SASS6: variants seen among roughly 807,000 people sequenced by gnomAD.
SASS6 encodes SAS-6 centriolar assembly protein.
Under a neutral mutation model 94.9 loss-of-function variants are expected in SASS6, and 59 were observed. The observed-to-expected ratio is 0.62, with a 90% CI of 0.50 to 0.77. The LOEUF is 0.77. Ranked by LOEUF, SASS6 falls within the 30% of genes least tolerant of loss-of-function variation. The pLI, the probability that SASS6 is intolerant of heterozygous loss-of-function variation, is 0.00. For synonymous variants in SASS6, 264 were observed against 270.0 expected (o/e 0.98, Z 0.22); for missense variants, 698 against 734.1 (o/e 0.95, Z 0.57).
At chr1:100,098,759 A>G (rs528766806) in intron 14 of SASS6, among the ~76,000 whole-genome samples, 2 of 152,354 alleles carry the variant, frequency 1.3e-5, no homozygotes, top group African/African-American at 2.4e-5. Context: ...AAAAAGAAAC[A>G]AAAACTTATA....
In SASS6 at chr1:100,110,391, C is replaced by T. The variant is rs755561574; in HGVS notation, c.762G>A (p.Leu254=). The change falls in exon 8 of 17, where the codon CTG becomes CTA. Residue 254 remains leucine (L), a synonymous_variant. Coordinates refer to ENST00000287482, the MANE Select transcript of SASS6 (RefSeq NM_194292.3). ...CTTTATTAGCCGCTTCTAACTCAGACAGTCTGTTTTGTAGCTGGTGGATGT... is the reference window on the plus strand; with the variant it reads ...CTTTATTAGCCGCTTCTAACTCAGATAGTCTGTTTTGTAGCTGGTGGATGT... ...QQNIHQLQNR[L]SELEAANKDL... The T allele has an allele frequency of 6.2e-7, 1 of 1,608,890 alleles. No individual in the cohort carries two copies. Among genetic ancestry groups the T allele is most frequent in the South Asian group, 1.1e-5 (1 of 90,890 alleles).
intron 3 of SASS6, 134 bp downstream of exon 3, chr1:100,123,076 A>G: frequency 6.0e-6 from 3 of 496,884 alleles, no homozygotes; most frequent in Non-Finnish European, 7.2e-6. Context: ...CTAAGTAAAG[A>G]TAGTACAAAT....
At chr1:100,094,126 G>A (rs990353472) in intron 14 of SASS6, among the ~76,000 whole-genome samples, 1 of 152,070 alleles carries the variant, frequency 6.6e-6, no homozygotes, top group African/African-American at 2.4e-5. Flanking sequence ...ATGAAAGAGA[G>A]GATGTTACAG....
At chr1:100,122,548 CCTT>C (rs1654276455) in intron 3 of SASS6, 64 bp from the exon 4 acceptor site, 10 of 390,258 alleles carry the variant, frequency 2.6e-5, no homozygotes, top group East Asian at 9.6e-5. Flanking sequence ...TGTTTTGGTG[CCTT>C]TTTTTTTTTT....
At chr1:100,108,181 TG>T (rs1653056098) in intron 8 of SASS6, among the ~76,000 whole-genome samples, 177 bp from the exon 9 acceptor site, 1 of 152,148 alleles carries the variant, frequency 6.6e-6, no homozygotes, top group Non-Finnish European at 1.5e-5. Context: ...AGCATATATC[TG>T]GAATATAATT....
rs1652851520 is a variant in SASS6, at chr1:100,105,790, C to T, written c.1522G>A (p.Gly508Arg). ...AHSSSNTIRSGISPNLNVVDG... is the reference protein window; with the variant it reads ...AHSSSNTIRSRISPNLNVVDG... ...ACCACATTCAGGTTAGGAGAAATTC[C>T]ACTTCTGATTGTGTTGCTGCTGGAA... Residue 508 changes from glycine to arginine, a missense_variant, in exon 13 of 17, where the codon GGA (glycine) becomes AGA (arginine). By Grantham distance (125) the Gly-to-Arg change is moderately radical. Coordinates refer to ENST00000287482, the MANE Select transcript of SASS6 (RefSeq NM_194292.3). 2 of 1,612,448 alleles carry T rather than the reference C, an allele frequency of 1.2e-6. No homozygotes were observed. Among genetic ancestry groups the T allele is most frequent in the Non-Finnish European group, 8.5e-7 (1 of 1,179,366 alleles).
chr1:100,120,343 T>G (rs954674616), intron 6 of SASS6, 51 bp downstream of exon 6: 1 of 849,106 alleles, frequency 1.2e-6, no homozygotes, highest in African/African-American at 1.7e-5. Context: ...AGGAAGCAAT[T>G]CAGTGCCAAT....
intron 15 of SASS6, among the ~76,000 whole-genome samples, chr1:100,087,573 T>C (rs1342713746): frequency 6.6e-6 from 1 of 152,202 alleles, no homozygotes; most frequent in Non-Finnish European, 1.5e-5. Context: ...GACTTCACTA[T>C]GTAAACCCTG....
chr1:100,123,637 A>T (rs919099430), intron 2 of SASS6, among the ~76,000 whole-genome samples: 1 of 152,236 alleles, frequency 6.6e-6, no homozygotes, highest in African/African-American at 2.4e-5. Context: ...AACATACCAC[A>T]TTCAATTTTA....
intron 4 of SASS6, among the ~76,000 whole-genome samples, chr1:100,122,087 C>G (rs1279737563): frequency 6.6e-6 from 1 of 152,212 alleles, no homozygotes; most frequent in African/African-American, 2.4e-5. Flanking sequence ...GCACCATACA[C>G]ACATACAATC....
chr1:100,106,513 T>C (rs1652915874), intron 12 of SASS6, among the ~76,000 whole-genome samples: 1 of 152,142 alleles, frequency 6.6e-6, no homozygotes, highest in Non-Finnish European at 1.5e-5. Context: ...TATTGGCCAA[T>C]GTCTACTTTT....
In SASS6 at chr1:100,084,507, G is replaced by C. The variant is rs6657152; in HGVS notation, c.*821C>G. 3 of 151,984 alleles carry C rather than the reference G, an allele frequency of 2.0e-5. No homozygotes were observed. Among genetic ancestry groups the C allele is most frequent in the African/African-American group, 7.2e-5 (3 of 41,404 alleles). 9.4% of individuals were successfully genotyped at this position (151,984 alleles called of 1,614,324 possible). A position where few individuals can be genotyped will look rare whatever the true frequency, so the allele number is the denominator to read the frequency against. On this transcript the variant is annotated 3_prime_UTR_variant, in exon 17 of 17. Transcript: ENST00000287482. ...TAACATTGAAATCAACCCAAGTTCT[G>C]ATACTATAAAAATAAATGAATATTC...
intron 14 of SASS6, among the ~76,000 whole-genome samples, chr1:100,092,173 A>C (rs1174825510): frequency 7.7e-6 from 1 of 129,774 alleles, no homozygotes; most frequent in African/African-American, 3.4e-5. Flanking sequence ...AAAACTAAAA[A>C]TATATATATA....
At chr1:100,117,104 G>A (rs1653845998) in intron 7 of SASS6, among the ~76,000 whole-genome samples, 2 of 151,460 alleles carry the variant, frequency 1.3e-5, no homozygotes, top group South Asian at 2.1e-4. Flanking sequence ...GACCATCCTG[G>A]CCAACATGGT....
At chr1:100,132,671 C>T in intron 1 of SASS6, 79 bp downstream of exon 1, 5 of 1,216,574 alleles carry the variant, frequency 4.1e-6, no homozygotes, top group Non-Finnish European at 6.1e-6. Context: ...AGGTGGATCC[C>T]ACGGGCCAGA....
intron 7 of SASS6, among the ~76,000 whole-genome samples, chr1:100,118,426 T>TAAAA (rs2101680764): frequency 6.6e-6 from 1 of 152,330 alleles, no homozygotes; most frequent in African/African-American, 2.4e-5. Flanking sequence ...TTAGTCTTTT[T>TAAAA]GGGTGGCAAA....
rs1441887371 is a variant in SASS6 at position 100,083,812 on chromosome 1, A to G, written c.*1516T>C. On this transcript the variant is annotated 3_prime_UTR_variant, in exon 17 of 17. Transcript: ENST00000287482. ...CTTGTGTATATATATGCAAAGAGAT[A>G]CCTATATTTTAAAAAAGAGAGCTAC... The G allele has an allele frequency of 1.3e-5, 2 of 151,980 alleles. No homozygotes were observed. The highest frequency in any genetic ancestry group is 2.4e-5 in the African/African-American group (1 of 41,382). 9.4% of individuals were successfully genotyped at this position (151,980 alleles called of 1,614,324 possible).
intron 7 of SASS6, among the ~76,000 whole-genome samples, chr1:100,113,543 C>T (rs543013027): frequency 4.5e-4 from 68 of 151,418 alleles, no homozygotes; most frequent in Non-Finnish European, 9.0e-4. Context: ...ATGGCGTGAA[C>T]CCGGGAGGCA....
intron 7 of SASS6, among the ~76,000 whole-genome samples, chr1:100,115,384 A>T (rs1653714515): frequency 6.8e-6 from 1 of 146,626 alleles, no homozygotes; most frequent in African/African-American, 2.5e-5. Flanking sequence ...ACAGAGAAAA[A>T]GGGAGAGAGA....
Sources: allele counts gnomAD v4.1 joint callset (sites outside exome capture counted in the v4.1 genomes callset), GRCh38; gene constraint gnomAD v4.1.1; transcripts MANE v1.5; gene names NCBI Gene and HGNC (gene_info 2026-07-23, HGNC 2026-07-21).